The following FRMD3 variants were observed in gnomAD, a reference collection of about 807,000 sequenced individuals.
FRMD3 encodes FERM domain-containing protein 3.
A neutral mutation model predicts 70.2 loss-of-function variants in FRMD3; 33 were observed. That is an observed-to-expected ratio of 0.47 (90% CI 0.36 to 0.63). The LOEUF is 0.63. Ranked by LOEUF, FRMD3 falls within the 20% of genes least tolerant of loss-of-function variation. The pLI, the probability that FRMD3 is intolerant of heterozygous loss-of-function variation, is 0.00. For synonymous variants in FRMD3, 279 were observed against 255.9 expected, an observed-to-expected ratio of 1.09 and a Z score of -0.86; for missense variants, 632 against 711.4, an observed-to-expected ratio of 0.89 and a Z score of 1.27.
At chr9:83,273,361 T>C (rs1833677409) in intron 13 of FRMD3, among the ~76,000 whole-genome samples, 2 of 151,054 alleles carry the variant, frequency 1.3e-5, no homozygotes, top group Non-Finnish European at 2.9e-5. Context: ...AAACATGTGC[T>C]GTGTCCACTC....
chr9:83,358,672 G>GTATT (rs34830442), intron 3 of FRMD3, among the ~76,000 whole-genome samples: 40,897 of 142,762 alleles, frequency 0.29, 6,209 homozygotes, highest in East Asian at 0.42. Flanking sequence ...ATATTCTTAA[G>GTATT]TATTTATTTA....
intron 1 of FRMD3, among the ~76,000 whole-genome samples, chr9:83,396,531 C>T (rs937181840): frequency 1.3e-5 from 2 of 152,122 alleles, no homozygotes; most frequent in African/African-American, 4.8e-5. Context: ...TGAGGGTAAC[C>T]CCACCTCTCT....
intron 1 of FRMD3, among the ~76,000 whole-genome samples, chr9:83,403,531 A>G (rs1826013749): frequency 6.6e-6 from 1 of 152,178 alleles, no homozygotes; most frequent in South Asian, 2.1e-4. Flanking sequence ...TAACAGGCTG[A>G]GCAGGAAGAG....
chr9:83,377,987 T>C (rs1039988766), intron 2 of FRMD3, among the ~76,000 whole-genome samples: 6 of 152,126 alleles, frequency 3.9e-5, no homozygotes, highest in Admixed American at 2.0e-4. Context: ...AGGGTTGACA[T>C]TGTGGTCAGA....
At chr9:83,509,491 T>C (rs1183730889) in intron 1 of FRMD3, among the ~76,000 whole-genome samples, 1 of 152,176 alleles carries the variant, frequency 6.6e-6, no homozygotes, top group African/African-American at 2.4e-5. Context: ...TAAGCTGAAA[T>C]AAATCACAAA....
At chr9:83,373,864 T>C (rs908345414) in intron 2 of FRMD3, among the ~76,000 whole-genome samples, 1 of 152,166 alleles carries the variant, frequency 6.6e-6, no homozygotes, top group Non-Finnish European at 1.5e-5. Flanking sequence ...AGAGCAAATT[T>C]ACCGTCCATT....
chr9:83,362,769 T>TTCCC (rs1824636915), intron 3 of FRMD3, among the ~76,000 whole-genome samples: 4 of 150,244 alleles, frequency 2.7e-5, no homozygotes, highest in African/African-American at 1.0e-4. Flanking sequence ...CCTTCTCTCC[T>TTCCC]TCCTTCCTTA....
chr9:83,359,543 G>C (rs529575972), intron 3 of FRMD3, among the ~76,000 whole-genome samples: 1 of 152,042 alleles, frequency 6.6e-6, no homozygotes, highest in Non-Finnish European at 1.5e-5. Context: ...TGGAAGGCTC[G>C]AGTTTTCTGT....
At chr9:83,328,724 CCACA>C (rs1836124306) in intron 6 of FRMD3, among the ~76,000 whole-genome samples, 1 of 152,104 alleles carries the variant, frequency 6.6e-6, no homozygotes, top group Non-Finnish European at 1.5e-5. Flanking sequence ...CTAGGCCATC[CCACA>C]CTACTACAGT....
At chr9:83,382,354 T>C (rs1227685905) in intron 2 of FRMD3, among the ~76,000 whole-genome samples, 1 of 152,150 alleles carries the variant, frequency 6.6e-6, no homozygotes, top group African/African-American at 2.4e-5. Flanking sequence ...GTGACTTAGC[T>C]CTTTTAAACA....
intron 3 of FRMD3, 120 bp from the exon 4 acceptor site, chr9:83,349,877 G>A: frequency 1.6e-6 from 1 of 644,576 alleles, no homozygotes; most frequent in South Asian, 2.0e-5. Flanking sequence ...GCCAGGAGGG[G>A]GTGATTGTTT....
At chr9:83,470,550 A>C (rs1393059713) in intron 1 of FRMD3, among the ~76,000 whole-genome samples, 1 of 152,184 alleles carries the variant, frequency 6.6e-6, no homozygotes, top group Non-Finnish European at 1.5e-5. Context: ...GCTGCCAGAG[A>C]CTGGATTTGA....
At chr9:83,292,670 C>A (rs371438129) in intron 12 of FRMD3, among the ~76,000 whole-genome samples, 1 of 151,912 alleles carries the variant, frequency 6.6e-6, no homozygotes, top group Non-Finnish European at 1.5e-5. Context: ...TTTTTTGAGA[C>A]GGAGTCTCAC....
chr9:83,477,229 A>C (rs1035589289), intron 1 of FRMD3, among the ~76,000 whole-genome samples: 17 of 152,182 alleles, frequency 1.1e-4, no homozygotes, highest in African/African-American at 4.1e-4. Context: ...CAGTGTAGGA[A>C]CTTTTGACAA....
At chr9:83,301,661 G>T (rs1356086585) in intron 10 of FRMD3, among the ~76,000 whole-genome samples, 3 of 152,254 alleles carry the variant, frequency 2.0e-5, no homozygotes, top group Non-Finnish European at 2.9e-5. Flanking sequence ...CACTCAGGTG[G>T]CTCTTTTTCA....
intron 6 of FRMD3, among the ~76,000 whole-genome samples, chr9:83,334,607 T>C (rs1823514631): frequency 6.7e-6 from 1 of 148,284 alleles, no homozygotes; most frequent in Non-Finnish European, 1.5e-5. Context: ...CTGCCCATGC[T>C]TGCTATTACC....
chr9:83,576,619 G>C, the FRMD3 span, among the ~76,000 whole-genome samples: 1 of 151,984 alleles, frequency 6.6e-6, no homozygotes, highest in Non-Finnish European at 1.5e-5. Flanking sequence ...ACAGGCCCAA[G>C]TGTATGTTAT....
At chr9:83,297,763 A>G (rs1564001571) in intron 12 of FRMD3, 3 of 471,710 alleles carry the variant, frequency 6.4e-6, no homozygotes, top group Non-Finnish European at 1.3e-5. Flanking sequence ...CTTTCACATT[A>G]CAGCTCCTCA....
intron 1 of FRMD3, among the ~76,000 whole-genome samples, chr9:83,448,106 G>A (rs938063942): frequency 1.3e-5 from 2 of 152,100 alleles, no homozygotes; most frequent in African/African-American, 4.8e-5. Flanking sequence ...CCTAAAGTTG[G>A]TGCTTCAGTG....
Sources: allele counts gnomAD v4.1 joint callset (sites outside exome capture counted in the v4.1 genomes callset), GRCh38; gene constraint gnomAD v4.1.1; transcripts MANE v1.5; gene names NCBI Gene and HGNC (gene_info 2026-07-23, HGNC 2026-07-21).